IRAG1: variants seen among roughly 807,000 people sequenced by gnomAD.
The protein encoded by IRAG1 is inositol 1,4,5-triphosphate receptor associated 1.
Under a neutral mutation model 106.2 loss-of-function variants are expected in IRAG1, and 62 were observed. That is an observed-to-expected ratio of 0.58 (90% CI 0.48 to 0.72). The LOEUF (loss-of-function observed/expected upper bound fraction) is 0.72. Ranked by LOEUF, IRAG1 falls within the 30% of genes least tolerant of loss-of-function variation. IRAG1 has a pLI of 0.00. For missense variants in IRAG1, 1,064 were observed against 1,140.7 expected (o/e 0.93, Z 0.97); for synonymous variants, 462 against 443.9 (o/e 1.04, Z -0.51).
chr11:10,604,254 C>A, intron 13 of IRAG1, 151 bp downstream of exon 13: 1 of 1,031,458 alleles, frequency 9.7e-7, no homozygotes, highest in Non-Finnish European at 1.4e-6. Flanking sequence ...CCTCAGTTCC[C>A]CCCAACTCTC....
intron 10 of IRAG1, among the ~76,000 whole-genome samples, chr11:10,621,455 C>A (rs779704339): frequency 6.6e-6 from 1 of 152,164 alleles, no homozygotes; most frequent in Non-Finnish European, 1.5e-5. Context: ...CCTGGAGGTA[C>A]CTTGGGCCCA....
At chr11:10,687,912 C>T (rs950356960) in intron 1 of IRAG1, 2 of 637,882 alleles carry the variant, frequency 3.1e-6, no homozygotes, top group East Asian at 8.5e-5. Flanking sequence ...AAAATGGACA[C>T]TATCATTACA....
At chr11:10,651,520 T>C (rs1410323705) in intron 2 of IRAG1, among the ~76,000 whole-genome samples, 1 of 152,254 alleles carries the variant, frequency 6.6e-6, no homozygotes, top group Non-Finnish European at 1.5e-5. Flanking sequence ...TTTGAATGCC[T>C]CATTTGTACA....
intron 18 of IRAG1, among the ~76,000 whole-genome samples, chr11:10,584,136 G>A (rs1036301292): frequency 3.9e-5 from 6 of 152,118 alleles, no homozygotes; most frequent in African/African-American, 1.4e-4. Flanking sequence ...CCCAATGGGA[G>A]CAATGTCGTC....
intron 11 of IRAG1, 29 bp from the exon 12 acceptor site, chr11:10,606,801 T>C (rs1854512038): frequency 6.4e-7 from 1 of 1,565,670 alleles, no homozygotes; most frequent in Non-Finnish European, 8.7e-7. Flanking sequence ...ACAATTGAAC[T>C]GTGTGCAACC....
intron 18 of IRAG1, among the ~76,000 whole-genome samples, chr11:10,584,378 G>A (rs1178640216): frequency 1.3e-5 from 2 of 151,860 alleles, no homozygotes; most frequent in South Asian, 2.1e-4. Flanking sequence ...GAAAGATAAC[G>A]CTCTAAAAAT....
At chr11:10,584,548 AATATATATATAT>A (rs56768282) in intron 18 of IRAG1, among the ~76,000 whole-genome samples, 6,899 of 98,578 alleles carry the variant, frequency 0.07, 365 homozygotes, top group African/African-American at 0.11. Context: ...TCTTTCATGA[AATATATATATAT>A]ATATATATAT....
At chr11:10,584,142 T>A (rs1434338975) in intron 18 of IRAG1, among the ~76,000 whole-genome samples, 1 of 152,108 alleles carries the variant, frequency 6.6e-6, no homozygotes, top group Non-Finnish European at 1.5e-5. Context: ...GGGAGCAATG[T>A]CGTCATGGAG....
chr11:10,577,469 A>G (rs2134047878), intron 20 of IRAG1, among the ~76,000 whole-genome samples: 1 of 152,248 alleles, frequency 6.6e-6, no homozygotes, highest in African/African-American at 2.4e-5. Context: ...AGCTCTCTGA[A>G]GAAGCCCTGA....
At chr11:10,577,372 A>C (rs928864711) in intron 20 of IRAG1, among the ~76,000 whole-genome samples, 2 of 147,940 alleles carry the variant, frequency 1.4e-5, no homozygotes, top group East Asian at 2.0e-4. Flanking sequence ...TTCCTTCCCA[A>C]CTGTCTTTCA....
intron 1 of IRAG1, among the ~76,000 whole-genome samples, chr11:10,653,357 T>C (rs1858674216): frequency 6.6e-6 from 1 of 152,210 alleles, no homozygotes; most frequent in African/African-American, 2.4e-5. Flanking sequence ...CCTCTTGGTG[T>C]TGAAATCACT....
chr11:10,691,780 C>T (rs1429843875), intron 1 of IRAG1, among the ~76,000 whole-genome samples: 1 of 152,128 alleles, frequency 6.6e-6, no homozygotes, highest in Admixed American at 6.5e-5. Context: ...GGTGATTCCC[C>T]CGCTGCACTC....
chr11:10,648,660 G>A (rs1265153739), intron 2 of IRAG1, among the ~76,000 whole-genome samples: 1 of 152,164 alleles, frequency 6.6e-6, no homozygotes, highest in Non-Finnish European at 1.5e-5. Flanking sequence ...GTCTCTCCCT[G>A]TTCAAGGGCC....
intron 10 of IRAG1, among the ~76,000 whole-genome samples, chr11:10,616,081 G>A (rs1018067317): frequency 5.9e-5 from 9 of 151,294 alleles, no homozygotes; most frequent in South Asian, 2.1e-4. Context: ...CGAGGCGGGC[G>A]GATCACGAGG....
chr11:10,687,883 G>T, intron 1 of IRAG1: 3 of 1,039,838 alleles, frequency 2.9e-6, no homozygotes, highest in Non-Finnish European at 3.8e-6. Context: ...TTTTGGGGGG[G>T]GGTGGTATTT....
At chr11:10,614,560 A>C (rs1855238741) in intron 10 of IRAG1, among the ~76,000 whole-genome samples, 1 of 152,238 alleles carries the variant, frequency 6.6e-6, no homozygotes, top group Admixed American at 6.5e-5. Flanking sequence ...GGCTACAGTA[A>C]CCAAAACAGC....
At chr11:10,592,354 G>A (rs1485187647) in intron 17 of IRAG1, among the ~76,000 whole-genome samples, 1 of 152,154 alleles carries the variant, frequency 6.6e-6, no homozygotes, top group East Asian at 1.9e-4. Context: ...GGCAAAGTAT[G>A]GGAAATAGAT....
At chr11:10,667,469 C>T (rs936259822) in intron 1 of IRAG1, among the ~76,000 whole-genome samples, 26 of 152,268 alleles carry the variant, frequency 1.7e-4, no homozygotes, top group Middle Eastern at 3.4e-3. Context: ...GGGAGGGAGC[C>T]GCTACTCAAT....
rs562519020 is a variant in IRAG1, at chr11:10,645,105, C to A, written c.225+6920G>T. ...GGAAGTGAGCTTCCTGAGAGCAGGA[C>A]CTTAGTTAGTTAATGCTCAATAAAC... On this transcript the variant is annotated intron_variant, in intron 2 of 20. Transcript: ENST00000423302. Among the ~76,000 whole-genome samples, 7 of 152,190 alleles carry A rather than the reference C, an allele frequency of 4.6e-5. No individual in the cohort carries two copies. In the East Asian group the frequency reaches 1.2e-3, roughly 25 times the overall value.
Sources: gnomAD v4.1 joint callset for allele counts (sites outside exome capture counted in the v4.1 genomes callset) on GRCh38, gnomAD v4.1.1 for gene constraint, MANE v1.5 for transcripts, NCBI Gene and HGNC (gene_info 2026-07-23, HGNC 2026-07-21) for gene names.